The following PARP10 variants were observed in gnomAD, a reference collection of about 807,000 sequenced individuals.
PARP10 encodes protein mono-ADP-ribosyltransferase PARP10.
Under a neutral mutation model 82.4 loss-of-function variants are expected in PARP10, and 56 were observed. The observed-to-expected ratio is 0.68, with a 90% CI of 0.55 to 0.85. The LOEUF (loss-of-function observed/expected upper bound fraction) is 0.85. Among genes scored for constraint, PARP10 ranks in the 40% least tolerant of loss-of-function variants. The pLI is 0.00. For synonymous variants in PARP10, 576 were observed against 601.1 expected, an observed-to-expected ratio of 0.96 and a Z score of 0.61; for missense variants, 1,227 against 1,379.4, an observed-to-expected ratio of 0.89 and a Z score of 1.75.
At chr8:143,987,915 C>T (rs1834020985), upstream of PARP10, among the ~76,000 whole-genome samples, 1 of 151,574 alleles carries the variant, frequency 6.6e-6, no homozygotes, top group Non-Finnish European at 1.5e-5. Context: ...ACCCAAAGTC[C>T]TTTTGAGGAC....
rs995705298 is a variant in PARP10 at position 143,999,774 on chromosome 8, T to C, written c.-80+12756A>G. 1.4e-4 allele frequency among the ~76,000 whole-genome samples: 22 copies of C among 152,152 alleles called. No individual in the cohort carries two copies. In the South Asian group the frequency reaches 1.9e-3, roughly 13 times the overall value. ...TCTTTAATAGAAAAATACAGTTAAC[T>C]GAAACCAAAAATTCAAGAGACAGGT... On this transcript the variant is annotated intron_variant, in intron 1 of 3. Coordinates refer to the PARP10 transcript ENST00000530478.
chr8:143,991,222 C>T (rs781790858), upstream of PARP10: 1 of 1,573,026 alleles, frequency 6.4e-7, no homozygotes, highest in South Asian at 1.2e-5. Context: ...GAACCCGAGG[C>T]CATGTCCCAT....
chr8:143,996,924 G>T (rs1396080272), intron 1 of PARP10, among the ~76,000 whole-genome samples: 2 of 152,160 alleles, frequency 1.3e-5, no homozygotes, highest in Non-Finnish European at 2.9e-5. Context: ...GTAGAGGCAG[G>T]AAGATCAGTG....
intron 1 of PARP10, among the ~76,000 whole-genome samples, chr8:144,003,751 C>T (rs937700004): frequency 1.3e-5 from 2 of 152,014 alleles, no homozygotes; most frequent in African/African-American, 2.4e-5. Context: ...TAGGGGCCGG[C>T]GCAGTGGCTC....
At chr8:144,000,195 A>T (rs1834192134) in intron 1 of PARP10, among the ~76,000 whole-genome samples, 1 of 152,158 alleles carries the variant, frequency 6.6e-6, no homozygotes, top group African/African-American at 2.4e-5. Flanking sequence ...AGTGTGACCT[A>T]ATTTGGAAAT....
chr8:144,005,475 A>G (rs1043832157), intron 1 of PARP10, among the ~76,000 whole-genome samples: 11 of 152,132 alleles, frequency 7.2e-5, no homozygotes, highest in African/African-American at 2.4e-4. Flanking sequence ...GCCAATCATA[A>G]TCGTATGAAC....
At position 143,977,186 on chromosome 8, in the gene PARP10, G is replaced by A; in HGVS notation, c.*298C>T. On this transcript the variant is annotated 3_prime_UTR_variant, in exon 11 of 11. Coordinates refer to ENST00000313028, the MANE Select transcript of PARP10 (RefSeq NM_032789.5). ...CCGGGTCCCTTCCGCCTGGGTTCAC[G>A]TTCACGTTTATTCAAACAACAGAGC... 1 of 415,448 alleles carries A rather than the reference G, an allele frequency of 2.4e-6. No individual in the cohort carries two copies. The highest frequency in any genetic ancestry group is 4.3e-6 in the Non-Finnish European group (1 of 233,452). 25.7% of individuals were successfully genotyped at this position (415,448 alleles called of 1,614,324 possible). A position where few individuals can be genotyped will look rare whatever the true frequency, so the allele number is the denominator to read the frequency against.
At chr8:144,005,624 T>C (rs1484955447) in intron 1 of PARP10, among the ~76,000 whole-genome samples, 1 of 152,188 alleles carries the variant, frequency 6.6e-6, no homozygotes, top group Non-Finnish European at 1.5e-5. Flanking sequence ...CATGCTTCTC[T>C]GGCCCGGCCG....
upstream of PARP10, among the ~76,000 whole-genome samples, chr8:143,987,889 T>A (rs1356364260): frequency 4.1e-5 from 6 of 147,082 alleles, no homozygotes. Flanking sequence ...AGACTCTGTC[T>A]AAAAAAAAAA....
Position 143,985,067 on chromosome 8 carries a change from G to A in PARP10, c.935C>T (p.Pro312Leu), listed in dbSNP as rs1170310321. Reference protein sequence around the residue: ...GQSGASLRTGPMVQGRGIMTT... With the variant: ...GQSGASLRTGLMVQGRGIMTT... ...CATAATCCCTCTACCCTGCACCATGGGACCTGTCCTCAGAGAGGCCCCTGA... is the reference window on the plus strand; with the variant it reads ...CATAATCCCTCTACCCTGCACCATGAGACCTGTCCTCAGAGAGGCCCCTGA... The change falls in exon 5 of 11, where the codon CCC becomes CTC. Residue 312 changes from proline to leucine, a missense_variant. Coordinates refer to ENST00000313028, the MANE Select transcript of PARP10 (RefSeq NM_032789.5). 2 of 1,613,764 alleles carry A rather than the reference G, an allele frequency of 1.2e-6. No individual in the cohort carries two copies. Among genetic ancestry groups the A allele is most frequent in the African/African-American group, 2.7e-5 (2 of 74,876 alleles).
At chr8:143,983,923 T>C in intron 7 of PARP10, 85 bp downstream of exon 7, 2 of 1,478,028 alleles carry the variant, frequency 1.4e-6, no homozygotes, top group Non-Finnish European at 1.8e-6. Flanking sequence ...GATGGGTCAG[T>C]AGACAGATGG....
chr8:144,003,696 G>A (rs1834217453), intron 1 of PARP10, among the ~76,000 whole-genome samples: 1 of 152,008 alleles, frequency 6.6e-6, no homozygotes, highest in African/African-American at 2.4e-5. Flanking sequence ...CAGAGTTCTA[G>A]AAAGGAGGCA....
At chr8:144,002,235 T>C (rs1834207873) in intron 1 of PARP10, among the ~76,000 whole-genome samples, 1 of 152,168 alleles carries the variant, frequency 6.6e-6, no homozygotes, top group Non-Finnish European at 1.5e-5. Flanking sequence ...AATTGATCTT[T>C]ATTCAATGTA....
rs114336235 is a variant in PARP10, at chr8:144,003,741, T to G, written c.-80+8789A>C. 5.9e-3 allele frequency among the ~76,000 whole-genome samples: 896 copies of G among 152,066 alleles called. 9 individuals carry two copies. The highest frequency in any genetic ancestry group is 0.021 in the African/African-American group (866 of 41,486). On this transcript the variant is annotated intron_variant, in intron 1 of 3. Coordinates refer to the PARP10 transcript ENST00000530478. ...AAAAAAAGAGCAACAGAAATCTGCA[T>G]AGGGGCCGGCGCAGTGGCTCACAGC... is the stretch of plus-strand genomic sequence containing the variant.
At position 143,982,984 on chromosome 8, in the gene PARP10, C is replaced by T. The variant is rs371846207; in HGVS notation, c.2504G>A (p.Arg835Gln). 4.4e-5 allele frequency: 71 copies of T among 1,613,834 alleles called. No homozygotes were observed. In the Middle Eastern group the frequency reaches 4.9e-4, roughly 11 times the overall value. ...AGCGTCCAGGGTGTCGTAGAAGGCCCGCACCACCTCCTGGAACTCCCCGGT... is the reference window on the plus strand; with the variant it reads ...AGCGTCCAGGGTGTCGTAGAAGGCCTGCACCACCTCCTGGAACTCCCCGGT... ...ENTGEFQEVV[R>Q]AFYDTLDAAR... is the part of the protein sequence containing the mutation. Residue 835 changes from arginine (R) to glutamine (Q), a missense_variant, in exon 9 of 11, where the codon CGG (arginine) becomes CAG (glutamine). Coordinates refer to ENST00000313028, the MANE Select transcript of PARP10 (RefSeq NM_032789.5).
chr8:143,995,900 G>A (rs1447376042), upstream of PARP10, among the ~76,000 whole-genome samples: 1 of 152,254 alleles, frequency 6.6e-6, no homozygotes, highest in Non-Finnish European at 1.5e-5. Context: ...GCCAGTCTGA[G>A]TGGCTGCTGC....
At chr8:144,004,661 A>G (rs1252741390) in intron 1 of PARP10, among the ~76,000 whole-genome samples, 2 of 152,168 alleles carry the variant, frequency 1.3e-5, no homozygotes, top group African/African-American at 4.8e-5. Flanking sequence ...TTTAGAGTCT[A>G]TGCTGATTCA....
chr8:143,998,731 C>G (rs1834179244), intron 1 of PARP10, among the ~76,000 whole-genome samples: 1 of 152,182 alleles, frequency 6.6e-6, no homozygotes, highest in South Asian at 2.1e-4. Context: ...AGGCGGATCA[C>G]TTGAGCCCAG....
upstream of PARP10, chr8:143,991,296 C>G (rs560551768): frequency 1.9e-5 from 27 of 1,429,552 alleles, no homozygotes; most frequent in South Asian, 1.6e-4. Flanking sequence ...TCCGGGGGGG[C>G]CCCAGCCACC....
Sources: allele counts gnomAD v4.1 joint callset (sites outside exome capture counted in the v4.1 genomes callset), GRCh38; gene constraint gnomAD v4.1.1; transcripts MANE v1.5; gene names NCBI Gene and HGNC (gene_info 2026-07-23, HGNC 2026-07-21).